Variants in PRDM10 observed in about 807,000 individuals in gnomAD.
PRDM10 encodes PR/SET domain 10.
In PRDM10, 65 loss-of-function variants were observed where a neutral mutation model predicts 133.1. That is an observed-to-expected ratio of 0.49 (90% CI 0.40 to 0.60). The LOEUF is 0.60. Among genes scored for constraint, PRDM10 ranks in the 20% least tolerant of loss-of-function variants. The pLI, the probability that PRDM10 is intolerant of heterozygous loss-of-function variation, is 0.00. For missense variants in PRDM10, 1,137 were observed against 1,507.1 expected (o/e 0.75, Z 4.07); for synonymous variants, 582 against 580.4 (o/e 1.00, Z -0.04).
In PRDM10 at chr11:129,902,495, T is replaced by G. The variant is rs745536857; in HGVS notation, c.3289A>C (p.Ser1097Arg). The change falls in exon 21 of 21, where the codon AGT (serine) becomes CGT (arginine). Residue 1097 changes from serine to arginine, a missense_variant. This residue lies in a region of PRDM10 where 243 missense variants were observed against 259.2 expected (regional missense o/e 0.94). Coordinates refer to ENST00000360871, the MANE Select transcript of PRDM10 (RefSeq NM_199437.2). Reference protein sequence around the residue: ...VTSGHYVLSESQSELEEKQTS... With the variant: ...VTSGHYVLSERQSELEEKQTS... ...TGCTTTTCTTCCAATTCTGATTGACTTTCTGATAACACATAATGACCCTAG... is the reference window on the plus strand; with the variant it reads ...TGCTTTTCTTCCAATTCTGATTGACGTTCTGATAACACATAATGACCCTAG... 1 of 1,614,002 alleles carries G rather than the reference T, an allele frequency of 6.2e-7. No homozygotes were observed. Among genetic ancestry groups the G allele is most frequent in the African/African-American group, 1.3e-5 (1 of 74,900 alleles).
intron 2 of PRDM10, among the ~76,000 whole-genome samples, chr11:129,959,366 A>C (rs535127728): frequency 2.0e-5 from 3 of 152,232 alleles, no homozygotes; most frequent in Non-Finnish European, 4.4e-5. Flanking sequence ...GTGACTTTCG[A>C]TTTGTTCATT....
chr11:129,924,404 C>T (rs1167502048), intron 12 of PRDM10, among the ~76,000 whole-genome samples: 1 of 152,198 alleles, frequency 6.6e-6, no homozygotes, highest in African/African-American at 2.4e-5. Context: ...ACAAAGAATA[C>T]ACTACAGGGG....
intron 4 of PRDM10, chr11:129,948,007 C>T (rs1308392992): frequency 2.2e-6 from 1 of 455,404 alleles, no homozygotes; most frequent in East Asian, 7.0e-5. Context: ...AGTTCCATAG[C>T]TCACAGCTCT....
In PRDM10 at chr11:129,931,203, A is replaced by G; in HGVS notation, c.1343T>C (p.Leu448Pro). The G allele has an allele frequency of 6.2e-7, 1 of 1,614,132 alleles. No homozygotes were observed. Among genetic ancestry groups the G allele is most frequent in the Non-Finnish European group, 8.5e-7 (1 of 1,179,948 alleles). ...EQFDEAEPAT[L>P]NGLDQPEQTT... ...CTGTTCTGGTTGATCCAGCCCATTC[A>G]GAGTGGCTGGTTCAGCCTCATCAAA... Residue 448 changes from leucine to proline, a missense_variant, in exon 11 of 21, where the codon CTG becomes CCG. Physicochemically the swap from Leu to Pro is moderately conservative, Grantham distance 98 (BLOSUM62 -3). Transcript: ENST00000360871.
chr11:129,923,494 G>A lies in PRDM10; in HGVS notation c.1879-91C>T, dbSNP rs1565463860. On this transcript the variant is annotated intron_variant, in intron 12 of 20. Coordinates refer to ENST00000360871, the MANE Select transcript of PRDM10 (RefSeq NM_199437.2). The surrounding 1 kb of genome is among the most constrained non-coding windows in gnomAD (Gnocchi z 4.4). ...TTGTCAACGCTAGAGGGAGCCAAAC[G>A]CATTACCATGGGTTTTCATCAACCC... The A allele has an allele frequency of 3.7e-6, 5 of 1,364,088 alleles. No homozygotes were observed. The highest frequency in any genetic ancestry group is 4.9e-6 in the Non-Finnish European group (5 of 1,023,690). The allele number at this position is 1,364,088 out of a possible 1,614,324, so 84.5% of individuals were successfully genotyped here.
intron 13 of PRDM10, among the ~76,000 whole-genome samples, chr11:129,922,515 ATC>A (rs959640095): frequency 2.0e-5 from 3 of 152,306 alleles, no homozygotes; most frequent in Admixed American, 6.5e-5. Flanking sequence ...ATTTCTTTGC[ATC>A]TGTTACAAAT....
At chr11:129,964,945 T>C (rs1951873984) in intron 1 of PRDM10, among the ~76,000 whole-genome samples, 1 of 152,230 alleles carries the variant, frequency 6.6e-6, no homozygotes, top group Non-Finnish European at 1.5e-5. Flanking sequence ...AATATATCAA[T>C]TTTCATATTT....
chr11:129,947,924 G>T lies in PRDM10; in HGVS notation c.295-554C>A, dbSNP rs1290078136. 2 of 411,414 alleles carry T rather than the reference G, an allele frequency of 4.9e-6. No individual in the cohort carries two copies. Among genetic ancestry groups the T allele is most frequent in the African/African-American group, 2.1e-5 (1 of 48,664 alleles). 25.5% of individuals were successfully genotyped at this position (411,414 alleles called of 1,614,324 possible). On this transcript the variant is annotated intron_variant, in intron 4 of 20. Coordinates refer to ENST00000360871, the MANE Select transcript of PRDM10 (RefSeq NM_199437.2). The surrounding 1 kb of genome is among the most constrained non-coding windows in gnomAD (Gnocchi z 4.6). ...AGAGTAGCCATACCACACTGGAGGG[G>T]GTAAATGAGTTGACCTATCCTCAAC...
chr11:129,912,263 TATTG>T, intron 17 of PRDM10, 38 bp from the exon 18 acceptor site: 1 of 1,451,546 alleles, frequency 6.9e-7, no homozygotes. Flanking sequence ...ACCAGACATA[TATTG>T]ATTGAAGTTA....
Position 129,947,223 on chromosome 11 carries a change from C to T in PRDM10, c.442G>A (p.Glu148Lys), listed in dbSNP as rs1951447076. ...TCCGTGTCCTCACCGTCTTCTTCCT[C>T]ATCTTCCTCAGTGTCCTCGTCCTCA... ...EDEDEDTEED[E>K]EEDGEDTDLD... is the part of the protein sequence containing the mutation. The change falls in exon 5 of 21, where the codon GAG becomes AAG. Residue 148 changes from glutamate (E) to lysine (K), a missense_variant. Transcript: ENST00000360871. The surrounding 1 kb of genome is among the most constrained non-coding windows in gnomAD (Gnocchi z 4.6). 6.2e-7 allele frequency: 1 copy of T among 1,614,174 alleles called. No homozygotes were observed. The highest frequency in any genetic ancestry group is 8.5e-7 in the Non-Finnish European group (1 of 1,180,032).
intron 19 of PRDM10, among the ~76,000 whole-genome samples, chr11:129,906,823 C>G (rs765412413): frequency 6.6e-5 from 10 of 151,994 alleles, no homozygotes; most frequent in Non-Finnish European, 1.3e-4. Context: ...GCTAAAAATA[C>G]AAAAATTAGC....
At chr11:129,931,573 T>TTA (rs760543841) in intron 10 of PRDM10, among the ~76,000 whole-genome samples, 5,430 of 144,308 alleles carry the variant, frequency 0.038, 152 homozygotes, top group Middle Eastern at 0.067. Context: ...TTTATTTTAT[T>TTA]TTATTTTTTT....
At chr11:129,905,792 G>T in intron 19 of PRDM10, 51 bp from the exon 20 acceptor site, 1 of 1,507,076 alleles carries the variant, frequency 6.6e-7, no homozygotes, top group Non-Finnish European at 9.2e-7. Context: ...TTTAACACAA[G>T]TCTTAGAAAC....
In PRDM10 at chr11:129,917,330, G is replaced by A. The variant is rs141851913; in HGVS notation, c.2215-93C>T. ...CCTCTGATAATGACCGCCAGAAGCT[G>A]GAATTCTCTGAAGCAATGCCCCCAA... On this transcript the variant is annotated intron_variant, in intron 14 of 20. Coordinates refer to ENST00000360871, the MANE Select transcript of PRDM10 (RefSeq NM_199437.2). 22 of 936,276 alleles carry A rather than the reference G, an allele frequency of 2.3e-5. No homozygotes were observed. The African/African-American group carries it at 3.2e-4, about 14-fold the overall frequency. 58.0% of individuals were successfully genotyped at this position (936,276 alleles called of 1,614,324 possible).
chr11:129,998,350 C>T (rs1939168502), intron 1 of PRDM10, among the ~76,000 whole-genome samples: 1 of 151,664 alleles, frequency 6.6e-6, no homozygotes, highest in Non-Finnish European at 1.5e-5. Flanking sequence ...ACAACTTTAC[C>T]ATCAGTGAAA....
intron 8 of PRDM10, among the ~76,000 whole-genome samples, chr11:129,935,651 A>G (rs1387425497): frequency 3.3e-5 from 5 of 152,258 alleles, no homozygotes; most frequent in Admixed American, 6.5e-5. Context: ...GTTCAGAAGC[A>G]TCCCCTAAGT....
At chr11:129,957,615 C>G (rs557967228) in intron 3 of PRDM10, 131 bp downstream of exon 3, 42 of 1,161,718 alleles carry the variant, frequency 3.6e-5, no homozygotes, top group Non-Finnish European at 4.7e-5. Context: ...CCGCGCCTGG[C>G]TGAGAGCACA....
At position 129,923,681 on chromosome 11, in the gene PRDM10, A is replaced by C. The variant is rs1009544563; in HGVS notation, c.1879-278T>G. Among the ~76,000 whole-genome samples the C allele has an allele frequency of 6.6e-6, 1 of 151,344 alleles. No individual in the cohort carries two copies. Among genetic ancestry groups the C allele is most frequent in the Non-Finnish European group, 1.5e-5 (1 of 67,862 alleles). On this transcript the variant is annotated intron_variant, in intron 12 of 20. Coordinates refer to ENST00000360871, the MANE Select transcript of PRDM10 (RefSeq NM_199437.2). This position sits in a 1 kb window ranked among gnomAD's most constrained non-coding sequence, Gnocchi z 4.4. ...GAGAGAGAGAGAGAGAGAGAGAGAG[A>C]GAGAGAGAGAGAGTGCTTGCTTGGT...
intron 19 of PRDM10, among the ~76,000 whole-genome samples, chr11:129,909,190 C>T (rs1950105235): frequency 6.6e-6 from 1 of 151,716 alleles, no homozygotes; most frequent in Non-Finnish European, 1.5e-5. Context: ...TGGCTCATGC[C>T]TGTAATTCCA....
Sources: gnomAD v4.1 joint callset for allele counts (sites outside exome capture counted in the v4.1 genomes callset) on GRCh38, gnomAD v4.1.1 for gene constraint, gnomAD v4.1.1 regional missense constraint, Gnocchi (gnomAD v3.1) non-coding constraint, MANE v1.5 for transcripts, NCBI Gene and HGNC (gene_info 2026-07-23, HGNC 2026-07-21) for gene names.